The following SOX6 variants were observed in gnomAD, a reference collection of about 807,000 sequenced individuals.
SOX6 encodes the protein SRY-box transcription factor 6.
Under a neutral mutation model 97.8 loss-of-function variants are expected in SOX6, and 11 were observed. That is an observed-to-expected ratio of 0.11 (90% confidence interval 0.07 to 0.19). SOX6 has a LOEUF of 0.19. SOX6 is among the 10% of genes least tolerant of loss of function. The pLI is 1.00. For synonymous variants in SOX6, 360 were observed against 371.4 expected (o/e 0.97, Z 0.35); for missense variants, 810 against 1,039.5 (o/e 0.78, Z 3.04).
intron 3 of SOX6, among the ~76,000 whole-genome samples, chr11:16,614,387 G>C (rs1188619638): frequency 6.6e-6 from 1 of 152,188 alleles, no homozygotes; most frequent in Non-Finnish European, 1.5e-5. Context: ...TTGCGTGCAA[G>C]AGAAGGACGT....
intron 3 of SOX6, chr11:16,646,127 CA>C (rs1259491827): frequency 1.3e-5 from 2 of 152,106 alleles, no homozygotes; most frequent in African/African-American, 4.8e-5. Flanking sequence ...TCACCTGGGA[CA>C]AGGTGTTTTT....
At chr11:16,433,718 T>C (rs183277649) in intron 1 of SOX6, among the ~76,000 whole-genome samples, 111 of 152,270 alleles carry the variant, frequency 7.3e-4, no homozygotes, top group Non-Finnish European at 1.2e-3. Context: ...AAATTAATGC[T>C]GACTATTCCC....
intron 3 of SOX6, among the ~76,000 whole-genome samples, chr11:16,258,324 T>G (rs1465964598): frequency 6.6e-6 from 1 of 150,952 alleles, no homozygotes; most frequent in East Asian, 1.9e-4. Flanking sequence ...TTTCAGCAGG[T>G]GAGTGGATAA....
intron 4 of SOX6, among the ~76,000 whole-genome samples, chr11:16,535,492 C>A (rs866842025): frequency 6.6e-6 from 1 of 151,918 alleles, no homozygotes; most frequent in Non-Finnish European, 1.5e-5. Context: ...GGCAACATGG[C>A]AAAACCCCGT....
In SOX6 at chr11:16,340,993, T is replaced by C; in HGVS notation, c.237+19A>G. The stretch of plus-strand genomic sequence containing the variant: ...TAAGGAATGCATTTAGTGGCAGTGG[T>C]CAGATTTTAAAGGCTCACCATTCTT... On this transcript the variant is annotated intron_variant, in intron 2 of 15. Transcript: ENST00000683767. The C allele has an allele frequency of 6.2e-7, 1 of 1,612,988 alleles. No individual in the cohort carries two copies. The highest frequency in any genetic ancestry group is 8.5e-7 in the Non-Finnish European group (1 of 1,179,334).
chr11:16,552,910 T>C (rs1847705766), intron 4 of SOX6, among the ~76,000 whole-genome samples: 1 of 152,152 alleles, frequency 6.6e-6, no homozygotes, highest in South Asian at 2.1e-4. Context: ...TAAAATGGCA[T>C]TGTATAATAC....
chr11:16,228,517 G>A (rs1226560068), intron 4 of SOX6, among the ~76,000 whole-genome samples: 4 of 151,806 alleles, frequency 2.6e-5, no homozygotes, highest in African/African-American at 9.7e-5. Flanking sequence ...GAGAGAGAGA[G>A]GAATAGGGAG....
chr11:15,974,073 T>C (rs1853392079), intron 15 of SOX6, among the ~76,000 whole-genome samples: 1 of 152,190 alleles, frequency 6.6e-6, no homozygotes, highest in Non-Finnish European at 1.5e-5. Flanking sequence ...ACCAAGAGTT[T>C]CTCAATCTTT....
chr11:16,411,776 A>C (rs1240524611), intron 1 of SOX6, among the ~76,000 whole-genome samples: 1 of 152,196 alleles, frequency 6.6e-6, no homozygotes. Context: ...ATTTTCTTTC[A>C]AATCCAGATT....
intron 4 of SOX6, among the ~76,000 whole-genome samples, chr11:16,226,706 G>A (rs1852699193): frequency 6.9e-6 from 1 of 145,700 alleles, no homozygotes; most frequent in African/African-American, 2.5e-5. Context: ...CAGTAGTTCT[G>A]TCTTACCCTG....
intron 2 of SOX6, among the ~76,000 whole-genome samples, chr11:16,321,894 C>A (rs987770420): frequency 6.6e-6 from 1 of 152,078 alleles, no homozygotes; most frequent in African/African-American, 2.4e-5. Context: ...TAACACCTAA[C>A]AAATATTAAC....
intron 3 of SOX6, among the ~76,000 whole-genome samples, chr11:16,622,024 T>C (rs984371261): frequency 4.6e-5 from 7 of 152,230 alleles, no homozygotes; most frequent in South Asian, 2.1e-4. Context: ...CTAGGTCATC[T>C]TGTGGATGCC....
intron 6 of SOX6, among the ~76,000 whole-genome samples, chr11:16,177,403 C>G (rs1851222431): frequency 6.6e-6 from 1 of 151,854 alleles, no homozygotes; most frequent in African/African-American, 2.4e-5. Flanking sequence ...TTGTCATATC[C>G]AAGTACCTAA....
chr11:16,732,262 A>G (rs1848356040), intron 2 of SOX6, among the ~76,000 whole-genome samples: 1 of 152,238 alleles, frequency 6.6e-6, no homozygotes, highest in Admixed American at 6.5e-5. Flanking sequence ...GAAACAAAAA[A>G]GAGCCCATAT....
chr11:16,094,580 C>T (rs1300897520), intron 9 of SOX6, among the ~76,000 whole-genome samples: 2 of 151,884 alleles, frequency 1.3e-5, no homozygotes, highest in African/African-American at 2.4e-5. Context: ...TAAAAGCTCT[C>T]AAGCTGACTG....
chr11:16,071,907 G>T (rs1320461329), intron 9 of SOX6, among the ~76,000 whole-genome samples: 1 of 139,894 alleles, frequency 7.1e-6, no homozygotes, highest in Admixed American at 7.6e-5. Context: ...CATCTAAGAA[G>T]ATTAAAAAAA....
At chr11:16,148,613 C>T (rs867438476) in intron 6 of SOX6, among the ~76,000 whole-genome samples, 1 of 152,094 alleles carries the variant, frequency 6.6e-6, no homozygotes, top group Admixed American at 6.6e-5. Context: ...TTTTTCCTGC[C>T]GTAGGCTGAA....
intron 3 of SOX6, among the ~76,000 whole-genome samples, chr11:16,706,276 C>CA (rs113536333): frequency 8.9e-4 from 115 of 129,652 alleles, no homozygotes; most frequent in Admixed American, 1.1e-3. Flanking sequence ...CCATTTCTAC[C>CA]AAAAAAAAAA....
chr11:16,173,864 A>G (rs903240793), intron 6 of SOX6, among the ~76,000 whole-genome samples: 3 of 150,768 alleles, frequency 2.0e-5, no homozygotes, highest in African/African-American at 7.3e-5. Context: ...TTCATTATTG[A>G]TTTAGAGACA....
Sources: gnomAD v4.1 joint callset for allele counts (sites outside exome capture counted in the v4.1 genomes callset) on GRCh38, gnomAD v4.1.1 for gene constraint, MANE v1.5 for transcripts, NCBI Gene and HGNC (gene_info 2026-07-23, HGNC 2026-07-21) for gene names.